The following CDH8 variants were observed in gnomAD, a reference collection of about 807,000 sequenced individuals.
The protein encoded by CDH8 is cadherin-8.
A neutral mutation model predicts 68.1 loss-of-function variants in CDH8; 17 were observed. That is an observed-to-expected ratio of 0.25 (90% CI 0.17 to 0.37). The LOEUF (loss-of-function observed/expected upper bound fraction) is 0.37, where lower values mean the gene tolerates loss of function less well. CDH8 is among the 10% of genes least tolerant of loss of function. The probability of loss-of-function intolerance (pLI) is 1.00; values close to 1 mark genes in which losing one functional copy is unlikely to be tolerated. For missense variants in CDH8, 763 were observed against 999.3 expected (o/e 0.76, Z 3.19); for synonymous variants, 372 against 365.1 (o/e 1.02, Z -0.21).
At chr16:61,962,694 T>C (rs946580554) in intron 2 of CDH8, among the ~76,000 whole-genome samples, 1 of 152,164 alleles carries the variant, frequency 6.6e-6, no homozygotes, top group Non-Finnish European at 1.5e-5. Flanking sequence ...TGGCATAACA[T>C]GGCAAAACGG....
At position 61,652,866 on chromosome 16, in the gene CDH8, A is replaced by T; in HGVS notation, c.*742T>A. ...GTTTATCTTTGTGTCCTTGTGGAAG[A>T]AGATGAAGAGGAGGGAACGAGGAAT... On this transcript the variant is annotated 3_prime_UTR_variant, in exon 12 of 12. Transcript: ENST00000577390. The T allele has an allele frequency of 6.6e-7, 1 of 1,524,082 alleles. No individual in the cohort carries two copies. The allele number at this position is 1,524,082 out of a possible 1,614,324, so 94.4% of individuals were successfully genotyped here. A position where few individuals can be genotyped will look rare whatever the true frequency, so the allele number is the denominator to read the frequency against.
intron 8 of CDH8, among the ~76,000 whole-genome samples, chr16:61,742,005 T>G (rs1162562461): frequency 6.6e-6 from 1 of 152,192 alleles, no homozygotes; most frequent in African/African-American, 2.4e-5. Flanking sequence ...ACTTTGTATC[T>G]TTAATTTTTA....
At chr16:61,964,032 CG>C (rs1027119012) in intron 2 of CDH8, among the ~76,000 whole-genome samples, 10 of 152,250 alleles carry the variant, frequency 6.6e-5, no homozygotes, top group African/African-American at 2.4e-4. Context: ...TATCCTCAAA[CG>C]GTTCTTGGAA....
intron 2 of CDH8, among the ~76,000 whole-genome samples, chr16:61,945,705 A>C (rs1028721182): frequency 5.3e-5 from 8 of 152,164 alleles, no homozygotes; most frequent in African/African-American, 1.9e-4. Flanking sequence ...AGCTTCAAGG[A>C]AAATAGCTAT....
chr16:61,939,561 A>G (rs1964679589), intron 2 of CDH8, among the ~76,000 whole-genome samples: 1 of 152,224 alleles, frequency 6.6e-6, no homozygotes, highest in Non-Finnish European at 1.5e-5. Context: ...ATAATTTATT[A>G]GCATTCCAAT....
At position 61,723,994 on chromosome 16, in the gene CDH8, A is replaced by T. The variant is rs189738609; in HGVS notation, c.1536+3100T>A. On this transcript the variant is annotated intron_variant, in intron 9 of 11. Transcript: ENST00000577390. ...ACCTGAAACTATCAGATTTTTTTTT[A>T]AAATATAGATAATTAGCAATGATAA... Among the ~76,000 whole-genome samples the T allele has an allele frequency of 4.2e-4, 64 of 150,654 alleles. 1 individual carries two copies. Among genetic ancestry groups the T allele is most frequent in the South Asian group, 1.0e-3 (5 of 4,816 alleles).
At chr16:61,799,742 A>T (rs1961576297) in intron 7 of CDH8, among the ~76,000 whole-genome samples, 1 of 152,340 alleles carries the variant, frequency 6.6e-6, no homozygotes, top group Middle Eastern at 3.4e-3. Flanking sequence ...AATTAATTTT[A>T]AAAGTAGTGT....
intron 7 of CDH8, among the ~76,000 whole-genome samples, chr16:61,814,878 G>A (rs1962037330): frequency 6.6e-6 from 1 of 152,158 alleles, no homozygotes. Context: ...ATCCAACTGG[G>A]GTGGAGGTGG....
chr16:61,948,182 C>T (rs1964829776), intron 2 of CDH8, among the ~76,000 whole-genome samples: 1 of 152,126 alleles, frequency 6.6e-6, no homozygotes, highest in South Asian at 2.1e-4. Flanking sequence ...ATGGAAGAGA[C>T]AGATATTAAA....
intron 10 of CDH8, among the ~76,000 whole-genome samples, chr16:61,688,357 A>G (rs1964147996): frequency 6.6e-6 from 1 of 152,028 alleles, no homozygotes; most frequent in African/African-American, 2.4e-5. Context: ...AGATATAAGG[A>G]CTTAAGATAT....
chr16:61,789,645 C>T (rs111964375), intron 7 of CDH8, among the ~76,000 whole-genome samples, 163 bp from the exon 8 acceptor site: 6 of 152,076 alleles, frequency 3.9e-5, no homozygotes, highest in Admixed American at 6.5e-5. Context: ...GAATGAGGCA[C>T]GAGAAACTTA....
intron 2 of CDH8, among the ~76,000 whole-genome samples, chr16:61,930,501 G>A (rs1320480569): frequency 6.6e-6 from 1 of 152,114 alleles, no homozygotes; most frequent in Admixed American, 6.5e-5. Context: ...CTATTTGTCA[G>A]TGCACCCTTG....
intron 7 of CDH8, among the ~76,000 whole-genome samples, chr16:61,799,082 C>T (rs932607186): frequency 3.9e-5 from 6 of 152,112 alleles, no homozygotes; most frequent in Non-Finnish European, 7.3e-5. Flanking sequence ...ATCCTCACTG[C>T]TTACCCCCAG....
chr16:61,964,464 C>T (rs994039681), intron 2 of CDH8, among the ~76,000 whole-genome samples: 4 of 151,948 alleles, frequency 2.6e-5, no homozygotes, highest in African/African-American at 9.7e-5. Context: ...GAAAAGTAAC[C>T]GGAAGGAGAG....
At chr16:62,004,629 G>T (rs8061715) in intron 2 of CDH8, among the ~76,000 whole-genome samples, 1,686 of 152,328 alleles carry the variant, frequency 0.011, 33 homozygotes, top group African/African-American at 0.038. Context: ...ATAAATGTGT[G>T]TGTCTGTGGA....
chr16:61,659,107 G>C (rs1963505957), intron 10 of CDH8, among the ~76,000 whole-genome samples: 1 of 152,118 alleles, frequency 6.6e-6, no homozygotes, highest in African/African-American at 2.4e-5. Flanking sequence ...ATTTATAAAA[G>C]CGAATCTTAT....
Position 61,648,606 on chromosome 16 carries a change from C to A in CDH8, c.*5002G>T, listed in dbSNP as rs1963255118. 1 of 149,078 alleles carries A rather than the reference C, an allele frequency of 6.7e-6. No individual in the cohort carries two copies. The highest frequency in any genetic ancestry group is 2.4e-5 in the African/African-American group (1 of 41,120). 9.2% of individuals were successfully genotyped at this position (149,078 alleles called of 1,614,324 possible). On this transcript the variant is annotated 3_prime_UTR_variant, in exon 12 of 12. Transcript: ENST00000577390. ...AACCCAGACTCAAATAGTATTTATCCATAGATAAAAAAAAAATTCAACAAT... is the reference window on the plus strand; with the variant it reads ...AACCCAGACTCAAATAGTATTTATCAATAGATAAAAAAAAAATTCAACAAT...
In CDH8 at chr16:61,652,711, A is replaced by G. The variant is rs796536234; in HGVS notation, c.*897T>C. ...TTTCCCATATATCCCCTTAATCTAT[A>G]GATTACCGACCTTAATAAATAAAAG... is the stretch of plus-strand genomic sequence containing the variant. On this transcript the variant is annotated 3_prime_UTR_variant, in exon 12 of 12. Transcript: ENST00000577390. 1 of 1,271,842 alleles carries G rather than the reference A, an allele frequency of 7.9e-7. No homozygotes were observed. Among genetic ancestry groups the G allele is most frequent in the Non-Finnish European group, 9.9e-7 (1 of 1,006,958 alleles). 78.8% of individuals were successfully genotyped at this position (1,271,842 alleles called of 1,614,324 possible).
intron 10 of CDH8, among the ~76,000 whole-genome samples, chr16:61,694,161 C>G (rs184206978): frequency 6.6e-6 from 1 of 152,174 alleles, no homozygotes; most frequent in African/African-American, 2.4e-5. Context: ...TTACTGGTGC[C>G]ACACTGCATC....
Sources: gnomAD v4.1 joint callset for allele counts (sites outside exome capture counted in the v4.1 genomes callset) on GRCh38, gnomAD v4.1.1 for gene constraint, MANE v1.5 for transcripts, NCBI Gene and HGNC (gene_info 2026-07-23, HGNC 2026-07-21) for gene names.